The following CAPN2 variants were observed in gnomAD, a reference collection of about 807,000 sequenced individuals.
CAPN2 encodes the protein calpain-2 catalytic subunit.
A neutral mutation model predicts 102.3 loss-of-function variants in CAPN2; 92 were observed. The ratio of observed to expected loss-of-function variants is 0.90; its 90% CI spans 0.76 to 1.07. CAPN2 has a LOEUF of 1.07. Ranked by LOEUF, CAPN2 falls within the 50% of genes least tolerant of loss-of-function variation. The pLI, the probability that CAPN2 is intolerant of heterozygous loss-of-function variation, is 0.00. For synonymous variants in CAPN2, 340 were observed against 355.4 expected (o/e 0.96, Z 0.49); for missense variants, 800 against 909.4 (o/e 0.88, Z 1.55).
chr1:223,759,496 C>T lies in CAPN2; in HGVS notation c.1529+15C>T. 2 of 1,607,316 alleles carry T rather than the reference C, an allele frequency of 1.2e-6. No homozygotes were observed. The highest frequency in any genetic ancestry group is 2.2e-5 in the South Asian group (2 of 90,820). The stretch of plus-strand genomic sequence containing the variant: ...GCTGACTACCAGTAGGCGGTTTGGT[C>T]CCTTCCTCTCCCCACCCTTCCCTGT... On this transcript the variant is annotated intron_variant, in intron 12 of 20. Transcript: ENST00000295006. The surrounding 1 kb of genome is among the most constrained non-coding windows in gnomAD (Gnocchi z 4.6).
upstream of CAPN2, among the ~76,000 whole-genome samples, chr1:223,709,141 G>GACACAA (rs1659675799): frequency 6.6e-6 from 1 of 152,028 alleles, no homozygotes; most frequent in African/African-American, 2.4e-5. Context: ...ACTTGGCAGG[G>GACACAA]ACACTCCACT....
At chr1:223,708,579 G>A (rs1659661553), upstream of CAPN2, among the ~76,000 whole-genome samples, 1 of 152,024 alleles carries the variant, frequency 6.6e-6, no homozygotes, top group African/African-American at 2.4e-5. Context: ...GACCAGCCTG[G>A]CCAACATGAG....
chr1:223,736,604 A>G (rs1660462218), intron 2 of CAPN2, among the ~76,000 whole-genome samples: 1 of 151,994 alleles, frequency 6.6e-6, no homozygotes, highest in South Asian at 2.1e-4. Context: ...CTGGGTCCAG[A>G]CTCCCAGAAC....
rs1320936234 is a variant in CAPN2, at chr1:223,726,415, G to A, written c.307+8584G>A. Among the ~76,000 whole-genome samples, 1 of 152,322 alleles carries A rather than the reference G, an allele frequency of 6.6e-6. No individual in the cohort carries two copies. Among genetic ancestry groups the A allele is most frequent in the Non-Finnish European group, 1.5e-5 (1 of 68,038 alleles). On this transcript the variant is annotated intron_variant, in intron 2 of 20. Transcript: ENST00000295006. This position sits in a 1 kb window ranked among gnomAD's most constrained non-coding sequence, Gnocchi z 4.4. ...GATATTGACTAGTGACCGTGGGGGC[G>A]ATGGCCCAGGAGGGTCAGGGCTGCA...
chr1:223,707,788 G>A (rs1659643950), upstream of CAPN2, among the ~76,000 whole-genome samples: 1 of 152,230 alleles, frequency 6.6e-6, no homozygotes, highest in Non-Finnish European at 1.5e-5. Context: ...GCTGTGCAAA[G>A]CTTCTGAGTT....
intron 1 of CAPN2, among the ~76,000 whole-genome samples, chr1:223,704,602 G>A (rs928078880): frequency 1.1e-4 from 16 of 152,128 alleles, no homozygotes; most frequent in Non-Finnish European, 1.8e-4. Context: ...GTCACGGTCC[G>A]TGTGACACAA....
At chr1:223,728,704 C>G (rs969985661) in intron 2 of CAPN2, among the ~76,000 whole-genome samples, 3 of 152,144 alleles carry the variant, frequency 2.0e-5, no homozygotes, top group Admixed American at 2.0e-4. Flanking sequence ...TGGACATTAG[C>G]TCTTCATGGT....
At position 223,764,194 on chromosome 1, in the gene CAPN2, G is replaced by T. The variant is rs201111260; in HGVS notation, c.1677G>T (p.Arg559Ser). Reference protein sequence around the residue: ...SAFELQTILRRVLAKRQDIKS... With the variant: ...SAFELQTILRSVLAKRQDIKS... ...TTGAGCTGCAGACCATCCTGAGAAG[G>T]GTTCTAGCAAAGCGTGAGTATCCCC... The change falls in exon 15 of 21, where the codon AGG (arginine) becomes AGT (serine). Residue 559 changes from arginine to serine, a missense_variant. Arg to Ser is a moderately radical substitution (Grantham distance 110, BLOSUM62 -1). Transcript: ENST00000295006. 173 of 1,613,800 alleles carry T rather than the reference G, an allele frequency of 1.1e-4. No individual in the cohort carries two copies. The highest frequency in any genetic ancestry group is 2.2e-4 in the Admixed American group (13 of 60,014).
At chr1:223,762,024 T>C (rs899604337) in intron 13 of CAPN2, among the ~76,000 whole-genome samples, 162 bp from the exon 14 acceptor site, 1 of 152,104 alleles carries the variant, frequency 6.6e-6, no homozygotes, top group Non-Finnish European at 1.5e-5. Context: ...CTTATATTAA[T>C]TCTTCACACT....
rs1419518831 is a variant in CAPN2, at chr1:223,725,550, G to A, written c.307+7719G>A. Among the ~76,000 whole-genome samples the A allele has an allele frequency of 6.6e-6, 1 of 152,188 alleles. No individual in the cohort carries two copies. The highest frequency in any genetic ancestry group is 1.5e-5 in the Non-Finnish European group (1 of 68,040). On this transcript the variant is annotated intron_variant, in intron 2 of 20. Transcript: ENST00000295006. The surrounding 1 kb of genome is among the most constrained non-coding windows in gnomAD (Gnocchi z 4.1). ...GCTGGAGGGGAGTACTGTCAAATGA[G>A]GTCGCGTCGCTGAGGTGGAGACACA...
intron 1 of CAPN2, among the ~76,000 whole-genome samples, chr1:223,704,449 C>T (rs1303217403): frequency 6.6e-6 from 1 of 152,188 alleles, no homozygotes; most frequent in Non-Finnish European, 1.5e-5. Flanking sequence ...ATTAGCAACT[C>T]GAGCTATATT....
intron 14 of CAPN2, among the ~76,000 whole-genome samples, chr1:223,762,936 C>A (rs1006860274): frequency 1.3e-5 from 2 of 152,150 alleles, no homozygotes; most frequent in African/African-American, 4.8e-5. Context: ...AATCCTCCAA[C>A]CTTGGTCTGC....
intron 13 of CAPN2, 64 bp from the exon 14 acceptor site, chr1:223,762,122 C>T (rs1313465800): frequency 3.9e-5 from 54 of 1,400,878 alleles, no homozygotes; most frequent in Non-Finnish European, 4.8e-5. Context: ...CATGGAAGGG[C>T]GGGCAGACAC....
chr1:223,757,401 G>C, intron 11 of CAPN2, 21 bp downstream of exon 11: 1 of 1,613,972 alleles, frequency 6.2e-7, no homozygotes, highest in Non-Finnish European at 8.5e-7. Flanking sequence ...CCCATGTCCC[G>C]GGGTGCTCAG....
At chr1:223,745,012 T>A (rs1660717057) in intron 3 of CAPN2, among the ~76,000 whole-genome samples, 1 of 150,110 alleles carries the variant, frequency 6.7e-6, no homozygotes, top group South Asian at 2.1e-4. Context: ...GCCACTGCAC[T>A]CCAGCCTGGG....
Position 223,731,285 on chromosome 1 carries a change from T to TTCCTAAGGGC in CAPN2, c.308-12815_308-12814insTCCTAAGGGC, listed in dbSNP as rs1660328354. 6.6e-6 allele frequency among the ~76,000 whole-genome samples: 1 copy of TTCCTAAGGGC among 152,246 alleles called. No individual in the cohort carries two copies. The highest frequency in any genetic ancestry group is 6.5e-5 in the Admixed American group (1 of 15,298). On this transcript the variant is annotated intron_variant, in intron 2 of 20. Coordinates refer to ENST00000295006, the MANE Select transcript of CAPN2 (RefSeq NM_001748.5). The surrounding 1 kb of genome is among the most constrained non-coding windows in gnomAD (Gnocchi z 4.2). Reference sequence around the variant, plus strand: ...GGCTTAAATTCCCTTAGGAGCCAGTTCAGATTCCTAAGCTGGCCCGGACAT... The same window carrying TTCCTAAGGGC: ...GGCTTAAATTCCCTTAGGAGCCAGTTTCCTAAGGGCCAGATTCCTAAGCTGGCCCGGACAT...
Position 223,712,645 on chromosome 1 carries a change from C to A in CAPN2, c.5C>A (p.Ala2Glu). The A allele has an allele frequency of 2.0e-6, 3 of 1,527,712 alleles. No homozygotes were observed. The highest frequency in any genetic ancestry group is 2.6e-6 in the Non-Finnish European group (3 of 1,137,580). 94.6% of individuals were successfully genotyped at this position (1,527,712 alleles called of 1,614,324 possible). Residue 2 changes from alanine to glutamate, a missense_variant, in exon 1 of 21, where the codon GCG (alanine) becomes GAG (glutamate). By Grantham distance (107) the Ala-to-Glu change is moderately radical. Coordinates refer to ENST00000295006, the MANE Select transcript of CAPN2 (RefSeq NM_001748.5). MAGIAAKLAKDR... is the reference protein window; with the variant it reads MEGIAAKLAKDR... Reference sequence around the variant, plus strand: ...TACGGCCGCCGGGACCGCAGCATGGCGGGCATCGCGGCCAAGCTGGCGAAG... The same window carrying A: ...TACGGCCGCCGGGACCGCAGCATGGAGGGCATCGCGGCCAAGCTGGCGAAG...
Position 223,726,642 on chromosome 1 carries a change from G to A in CAPN2, c.307+8811G>A, listed in dbSNP as rs550710529. Among the ~76,000 whole-genome samples, 1 of 152,294 alleles carries A rather than the reference G, an allele frequency of 6.6e-6. No homozygotes were observed. The highest frequency in any genetic ancestry group is 2.4e-5 in the African/African-American group (1 of 41,570). ...AAGGGAAAGGAAAGGCCTGGGACAC[G>A]TGGTTTGGATCACTGGCTGTGGCTC... On this transcript the variant is annotated intron_variant, in intron 2 of 20. Coordinates refer to ENST00000295006, the MANE Select transcript of CAPN2 (RefSeq NM_001748.5). The surrounding 1 kb of genome is among the most constrained non-coding windows in gnomAD (Gnocchi z 4.4).
chr1:223,705,192 T>C (rs1659575783), intron 1 of CAPN2, among the ~76,000 whole-genome samples: 1 of 152,142 alleles, frequency 6.6e-6, no homozygotes, highest in South Asian at 2.1e-4. Flanking sequence ...AGAAAAGAAA[T>C]GGAACGGGGC....
Sources: allele counts gnomAD v4.1 joint callset (sites outside exome capture counted in the v4.1 genomes callset), GRCh38; gene constraint gnomAD v4.1.1; non-coding constraint Gnocchi (gnomAD v3.1); transcripts MANE v1.5; gene names NCBI Gene and HGNC (gene_info 2026-07-23, HGNC 2026-07-21).